GABRG3: variants seen among roughly 807,000 people sequenced by gnomAD.
GABRG3 encodes the protein gamma-aminobutyric acid receptor subunit gamma-3.
GABRG3 carries 25 observed loss-of-function variants against 48.8 expected under a neutral mutation model. The ratio of observed to expected loss-of-function variants is 0.51; its 90% CI spans 0.37 to 0.72. GABRG3 has a LOEUF of 0.72. Ranked by LOEUF, GABRG3 falls within the 30% of genes least tolerant of loss-of-function variation. The pLI is 0.00. For synonymous variants in GABRG3, 227 were observed against 217.6 expected, an observed-to-expected ratio of 1.04 and a Z score of -0.38; for missense variants, 394 against 577.9, an observed-to-expected ratio of 0.68 and a Z score of 3.26.
intron 3 of GABRG3, among the ~76,000 whole-genome samples, chr15:27,194,151 T>C (rs1888422357): frequency 6.6e-6 from 1 of 152,264 alleles, no homozygotes; most frequent in Admixed American, 6.5e-5. Context: ...TTTTACCACA[T>C]TAAGTAATGT....
chr15:27,368,407 T>C (rs1895282836), intron 5 of GABRG3, among the ~76,000 whole-genome samples: 1 of 152,224 alleles, frequency 6.6e-6, no homozygotes, highest in Non-Finnish European at 1.5e-5. Context: ...AATATGGAAC[T>C]GGGCATGGGC....
chr15:27,184,139 A>G (rs1369638229), intron 3 of GABRG3, among the ~76,000 whole-genome samples: 1 of 152,252 alleles, frequency 6.6e-6, no homozygotes, highest in Non-Finnish European at 1.5e-5. Flanking sequence ...CGAAGTGACA[A>G]GACAAAGATA....
chr15:27,220,479 G>A (rs897470584), intron 3 of GABRG3, among the ~76,000 whole-genome samples: 1 of 152,132 alleles, frequency 6.6e-6, no homozygotes, highest in Non-Finnish European at 1.5e-5. Flanking sequence ...GCCTGTAGAC[G>A]TGACCTTCTT....
chr15:27,457,650 C>T lies in GABRG3; in HGVS notation c.575-23000C>T, dbSNP rs1207891995. On this transcript the variant is annotated intron_variant, in intron 5 of 9. Coordinates refer to ENST00000615808, the MANE Select transcript of GABRG3 (RefSeq NM_033223.5). This position sits in a 1 kb window ranked among gnomAD's most constrained non-coding sequence, Gnocchi z 4.4. ...TGCCCTCTCTAGGACGGGCTGCCTC[C>T]TTGGAGTCTGCAGCCTCACATCAGC... Among the ~76,000 whole-genome samples, 1 of 152,180 alleles carries T rather than the reference C, an allele frequency of 6.6e-6. No individual in the cohort carries two copies. The highest frequency in any genetic ancestry group is 2.4e-5 in the African/African-American group (1 of 41,450).
intron 6 of GABRG3, among the ~76,000 whole-genome samples, chr15:27,494,736 C>G (rs969745675): frequency 2.0e-5 from 3 of 151,996 alleles, no homozygotes; most frequent in Admixed American, 6.6e-5. Context: ...TTTGGGGGGG[C>G]CGGTTCTCCT....
chr15:26,984,740 G>C (rs1895120567), intron 2 of GABRG3, among the ~76,000 whole-genome samples: 1 of 152,048 alleles, frequency 6.6e-6, no homozygotes, highest in Non-Finnish European at 1.5e-5. Context: ...CTTCCTTCAG[G>C]GTTTCAAGAA....
chr15:27,428,402 T>C (rs1362513943), intron 5 of GABRG3: 2 of 152,202 alleles, frequency 1.3e-5, no homozygotes, highest in Non-Finnish European at 1.5e-5. Flanking sequence ...TCATCCTGAA[T>C]GTATTATTTC....
At chr15:27,250,086 C>T (rs79564109) in intron 3 of GABRG3, among the ~76,000 whole-genome samples, 1 of 152,030 alleles carries the variant, frequency 6.6e-6, no homozygotes, top group Non-Finnish European at 1.5e-5. Flanking sequence ...CTCCAAAGCC[C>T]CCTCACCAGC....
At chr15:27,040,932 C>T (rs1462828822) in intron 3 of GABRG3, among the ~76,000 whole-genome samples, 2 of 152,172 alleles carry the variant, frequency 1.3e-5, no homozygotes, top group Non-Finnish European at 1.5e-5. Flanking sequence ...TGAGCAAGAC[C>T]CTGTTTCTGT....
At chr15:27,183,006 G>A (rs1887980833) in intron 3 of GABRG3, among the ~76,000 whole-genome samples, 1 of 152,174 alleles carries the variant, frequency 6.6e-6, no homozygotes, top group African/African-American at 2.4e-5. Flanking sequence ...ATCATTTTTA[G>A]CTTTTAGTGA....
At chr15:27,053,523 T>C (rs1013645958) in intron 3 of GABRG3, among the ~76,000 whole-genome samples, 5 of 152,236 alleles carry the variant, frequency 3.3e-5, no homozygotes, top group Non-Finnish European at 2.9e-5. Context: ...GGAACACTTA[T>C]ACACTGTTGG....
At chr15:27,531,616 A>G (rs1309888376) in intron 9 of GABRG3, among the ~76,000 whole-genome samples, 1 of 152,224 alleles carries the variant, frequency 6.6e-6, no homozygotes, top group Non-Finnish European at 1.5e-5. Flanking sequence ...CAACCAGCAC[A>G]GATGAAACCA....
At chr15:26,979,100 T>C (rs747984941) in intron 2 of GABRG3, among the ~76,000 whole-genome samples, 1 of 152,254 alleles carries the variant, frequency 6.6e-6, no homozygotes, top group Non-Finnish European at 1.5e-5. Context: ...TTGCGAATAG[T>C]ACTGTATTTT....
At chr15:27,308,363 A>G (rs1386215141) in intron 3 of GABRG3, among the ~76,000 whole-genome samples, 1 of 89,220 alleles carries the variant, frequency 1.1e-5, no homozygotes, top group Non-Finnish European at 2.5e-5. Flanking sequence ...GTTTATATAT[A>G]AACATATAAA....
At chr15:27,528,531 C>A (rs1436488512) in intron 9 of GABRG3, among the ~76,000 whole-genome samples, 2 of 152,076 alleles carry the variant, frequency 1.3e-5, no homozygotes, top group Non-Finnish European at 2.9e-5. Context: ...TTATAAATTC[C>A]TAGGAGCAGA....
At position 27,540,278 on chromosome 15, in the gene GABRG3, T is replaced by C. The variant is rs961073381; in HGVS notation, c.*7397T>C. Reference sequence around the variant, plus strand: ...GTTGATTGCTTTCTCTCTTTTTTTTTCCGTTTTTACCTTAGTTGGCTATTT... The same window carrying C: ...GTTGATTGCTTTCTCTCTTTTTTTTCCCGTTTTTACCTTAGTTGGCTATTT... On this transcript the variant is annotated 3_prime_UTR_variant, in exon 10 of 10. Transcript: ENST00000615808. 2 of 152,222 alleles carry C rather than the reference T, an allele frequency of 1.3e-5. No homozygotes were observed. Among genetic ancestry groups the C allele is most frequent in the Non-Finnish European group, 1.5e-5 (1 of 68,036 alleles). The allele number at this position is 152,222 out of a possible 1,614,324, so 9.4% of individuals were successfully genotyped here. A position where few individuals can be genotyped will look rare whatever the true frequency, so the allele number is the denominator to read the frequency against.
chr15:27,164,666 G>T (rs531878100), intron 3 of GABRG3, among the ~76,000 whole-genome samples: 4 of 152,346 alleles, frequency 2.6e-5, no homozygotes, highest in African/African-American at 9.6e-5. Context: ...GCAGTTATCT[G>T]TTAGACGGGT....
chr15:27,089,000 C>T (rs1252345030), intron 3 of GABRG3, among the ~76,000 whole-genome samples: 2 of 152,126 alleles, frequency 1.3e-5, no homozygotes, highest in African/African-American at 4.8e-5. Flanking sequence ...CTGGGGGTGT[C>T]AGGCTGGCTG....
intron 5 of GABRG3, among the ~76,000 whole-genome samples, chr15:27,329,266 A>G: frequency 6.6e-6 from 1 of 152,144 alleles, no homozygotes; most frequent in South Asian, 2.1e-4. Context: ...TTTAATTTTT[A>G]TTTATTTATT....
Sources: allele counts gnomAD v4.1 joint callset (sites outside exome capture counted in the v4.1 genomes callset), GRCh38; gene constraint gnomAD v4.1.1; non-coding constraint Gnocchi (gnomAD v3.1); transcripts MANE v1.5; gene names NCBI Gene and HGNC (gene_info 2026-07-23, HGNC 2026-07-21).